The following MTFR1 variants were observed in gnomAD, a reference collection of about 807,000 sequenced individuals.
The protein encoded by MTFR1 is mitochondrial fission regulator 1, also known as chondrocyte protein with a poly-proline region.
Under a neutral mutation model 38.8 loss-of-function variants are expected in MTFR1, and 28 were observed. That is an observed-to-expected ratio of 0.72 (90% confidence interval 0.53 to 0.99). The LOEUF (loss-of-function observed/expected upper bound fraction) is 0.99. Among genes scored for constraint, MTFR1 ranks in the 50% least tolerant of loss-of-function variants. MTFR1 has a pLI of 0.00. For synonymous variants in MTFR1, 145 were observed against 137.0 expected, an observed-to-expected ratio of 1.06 and a Z score of -0.41; for missense variants, 358 against 395.5, an observed-to-expected ratio of 0.91 and a Z score of 0.81.
intron 2 of MTFR1, among the ~76,000 whole-genome samples, chr8:65,680,801 T>C (rs983495924): frequency 2.0e-5 from 3 of 152,132 alleles, no homozygotes; most frequent in Non-Finnish European, 4.4e-5. Context: ...TATTTTGTTT[T>C]ATTTTTGAGA....
At chr8:65,755,918 G>A (rs1368131645) in intron 3 of MTFR1, among the ~76,000 whole-genome samples, 1 of 152,160 alleles carries the variant, frequency 6.6e-6, no homozygotes, top group Non-Finnish European at 1.5e-5. Context: ...CCACTGTGTT[G>A]AATCTACCAT....
chr8:65,755,326 T>G (rs891699636), intron 3 of MTFR1, among the ~76,000 whole-genome samples: 1 of 152,170 alleles, frequency 6.6e-6, no homozygotes, highest in Non-Finnish European at 1.5e-5. Context: ...CGGCCCATTA[T>G]TGCCTTTTTA....
At chr8:65,676,111 T>C (rs1296353973) in intron 2 of MTFR1, among the ~76,000 whole-genome samples, 1 of 152,174 alleles carries the variant, frequency 6.6e-6, no homozygotes, top group Non-Finnish European at 1.5e-5. Flanking sequence ...ATTTAAAAAT[T>C]GTTACAGAAT....
At chr8:65,719,021 T>C in intron 2 of MTFR1, 1 of 488,294 alleles carries the variant, frequency 2.0e-6, no homozygotes, top group Non-Finnish European at 3.7e-6. Context: ...AAAACTTCCT[T>C]TGTTACTCCT....
intron 3 of MTFR1, among the ~76,000 whole-genome samples, chr8:65,690,744 G>A (rs1050088040): frequency 1.4e-4 from 21 of 152,046 alleles, no homozygotes; most frequent in African/African-American, 5.1e-4. Flanking sequence ...CTAAACAAAG[G>A]GTCATGATCA....
intron 3 of MTFR1, chr8:65,747,802 A>G (rs778590748): frequency 2.5e-6 from 4 of 1,598,744 alleles, no homozygotes; most frequent in Non-Finnish European, 2.6e-6. Flanking sequence ...TTTCAGATTG[A>G]GCTGAAATAA....
In MTFR1 at chr8:65,651,067, A is replaced by G. The variant is rs575847214; in HGVS notation, c.-81+6283A>G. 3.3e-5 allele frequency among the ~76,000 whole-genome samples: 5 copies of G among 152,282 alleles called. No homozygotes were observed. In the South Asian group the frequency reaches 1.0e-3, roughly 32 times the overall value. ...CTGATGATTGGAGCACTTTTTTAAT[A>G]TACCCGTTTGCCATTTGTAAGTCTT... On this transcript the variant is annotated intron_variant, in intron 1 of 7. Coordinates refer to ENST00000262146, the MANE Select transcript of MTFR1 (RefSeq NM_014637.4).
intron 3 of MTFR1, chr8:65,739,706 C>T (rs1457792869): frequency 8.7e-7 from 1 of 1,150,996 alleles, no homozygotes; most frequent in African/African-American, 1.6e-5. Flanking sequence ...AGTAATAATT[C>T]CCACTTTTTG....
intron 1 of MTFR1, among the ~76,000 whole-genome samples, chr8:65,662,605 G>A (rs201965686): frequency 2.2e-3 from 240 of 111,418 alleles, no homozygotes; most frequent in South Asian, 2.8e-3. Flanking sequence ...CCCAGTCTGG[G>A]ATGTGAGGAG....
chr8:65,660,028 G>A (rs544577426), intron 1 of MTFR1, among the ~76,000 whole-genome samples: 1 of 152,188 alleles, frequency 6.6e-6, no homozygotes, highest in South Asian at 2.1e-4. Context: ...CGTGGCTCAC[G>A]CCTGTAATCC....
chr8:65,769,247 C>CAAAAAAAAA (rs61554087), intron 3 of MTFR1, among the ~76,000 whole-genome samples: 6 of 74,438 alleles, frequency 8.1e-5, no homozygotes, highest in Admixed American at 1.6e-4. Context: ...GACTCAGTCT[C>CAAAAAAAAA]AAAAAAAAAA....
chr8:65,713,930 T>C (rs935966740), downstream of MTFR1, among the ~76,000 whole-genome samples: 2 of 152,018 alleles, frequency 1.3e-5, no homozygotes, highest in African/African-American at 4.8e-5. Context: ...TGAGGTGATC[T>C]GTCCGCCTCA....
chr8:65,645,692 TC>T (rs1554544273), intron 1 of MTFR1, among the ~76,000 whole-genome samples: 6,358 of 82,872 alleles, frequency 0.077, 656 homozygotes, highest in African/African-American at 0.23. Context: ...CGCCCGGCTT[TC>T]CCCCCCCCCC....
rs543945631 is a variant in MTFR1 at position 65,695,830 on chromosome 8, T to A, written c.281+2071T>A. 1.6e-4 allele frequency among the ~76,000 whole-genome samples: 25 copies of A among 152,282 alleles called. No homozygotes were observed. In the South Asian group the frequency reaches 5.0e-3, roughly 30 times the overall value. ...AGGCCTATACTCTATAACATTTAGA[T>A]AGAACGGCTGAATATGAGAGTGCCC... On this transcript the variant is annotated intron_variant, in intron 4 of 7. Transcript: ENST00000262146.
chr8:65,682,406 T>C lies in MTFR1; in HGVS notation c.120T>C (p.Ile40=). ...YGSSRSIVRK[I]GTNLSLIQCP... is the part of the protein sequence containing the mutation. ...CGTCTCGAAGTATCGTAAGGAAAAT[T>C]GGTACTAATTTGTCTCTGATTCAGT... Residue 40 remains isoleucine, a synonymous_variant, in exon 3 of 8, where the codon ATT becomes ATC. Transcript: ENST00000262146. The C allele has an allele frequency of 6.4e-7, 1 of 1,568,448 alleles. No homozygotes were observed. The highest frequency in any genetic ancestry group is 8.6e-7 in the Non-Finnish European group (1 of 1,156,492).
intron 3 of MTFR1, among the ~76,000 whole-genome samples, chr8:65,767,020 AACAAC>A (rs1168800650): frequency 6.6e-6 from 1 of 152,124 alleles, no homozygotes. Flanking sequence ...CAACAACAAC[AACAAC>A]AACAACAACA....
chr8:65,774,000 T>C (rs1310692128), downstream of MTFR1, among the ~76,000 whole-genome samples: 1 of 152,188 alleles, frequency 6.6e-6, no homozygotes. Flanking sequence ...CCAATCCTTA[T>C]TTATTGCAAT....
intron 3 of MTFR1, among the ~76,000 whole-genome samples, chr8:65,755,698 TA>T (rs1808203097): frequency 6.6e-6 from 1 of 152,266 alleles, no homozygotes; most frequent in South Asian, 2.1e-4. Context: ...ACTTGTGTAG[TA>T]ACCTTTACCA....
chr8:65,650,787 A>G (rs569248900), intron 1 of MTFR1, among the ~76,000 whole-genome samples: 30 of 152,208 alleles, frequency 2.0e-4, no homozygotes, highest in Non-Finnish European at 3.7e-4. Context: ...TTGCTTCAAT[A>G]TACTGATTTC....
Sources: allele counts gnomAD v4.1 joint callset (sites outside exome capture counted in the v4.1 genomes callset), GRCh38; gene constraint gnomAD v4.1.1; transcripts MANE v1.5; gene names NCBI Gene and HGNC (gene_info 2026-07-23, HGNC 2026-07-21).